Variants in UBR2 observed in about 807,000 individuals in gnomAD.
UBR2 encodes ubiquitin protein ligase E3 component n-recognin 2, also known as E3 ubiquitin-protein ligase UBR2.
In UBR2, 92 loss-of-function variants were observed where a neutral mutation model predicts 247.9. The ratio of observed to expected loss-of-function variants is 0.37; its 90% CI spans 0.31 to 0.44. The LOEUF is 0.44. UBR2 is among the 20% of genes least tolerant of loss of function. UBR2 has a pLI of 1.00. For synonymous variants in UBR2, 672 were observed against 693.5 expected (o/e 0.97, Z 0.49); for missense variants, 1,613 against 2,112.6 (o/e 0.76, Z 4.64).
At chr6:42,672,607 C>T (rs1157718423) in intron 36 of UBR2, among the ~76,000 whole-genome samples, 1 of 152,180 alleles carries the variant, frequency 6.6e-6, no homozygotes, top group African/African-American at 2.4e-5. Context: ...GTGGTCCAGA[C>T]TTGTAGAATC....
intron 3 of UBR2, among the ~76,000 whole-genome samples, chr6:42,593,009 A>C (rs1792764497): frequency 6.6e-6 from 1 of 152,028 alleles, no homozygotes; most frequent in Non-Finnish European, 1.5e-5. Flanking sequence ...CCCCATCTCT[A>C]CTAAAAATGC....
intron 39 of UBR2, 33 bp from the exon 40 acceptor site, chr6:42,676,750 A>C: frequency 6.5e-7 from 1 of 1,541,364 alleles, no homozygotes; most frequent in South Asian, 1.1e-5. Context: ...TTAATTGGAA[A>C]ATACAGAGTA....
rs756222442 is a variant in UBR2 at position 42,615,117 on chromosome 6, A to G, written c.1032A>G (p.Pro344=). 4 of 1,613,802 alleles carry G rather than the reference A, an allele frequency of 2.5e-6. No individual in the cohort carries two copies. The East Asian group carries it at 8.9e-5, about 36-fold the overall frequency. Residue 344 remains proline, a synonymous_variant, in exon 9 of 47, where the codon CCA becomes CCG. Transcript: ENST00000372901. ...ILCQVGLQEG[P]DGENSSLVDR... Reference sequence around the variant, plus strand: ...GTCAAGTTGGTTTACAAGAAGGGCCAGATGGTGAAAACTCTTCTCTAGTGG... The same window carrying G: ...GTCAAGTTGGTTTACAAGAAGGGCCGGATGGTGAAAACTCTTCTCTAGTGG...
chr6:42,628,581 G>C (rs1014186148), intron 11 of UBR2, among the ~76,000 whole-genome samples: 1 of 151,980 alleles, frequency 6.6e-6, no homozygotes, highest in African/African-American at 2.4e-5. Flanking sequence ...AAATTAGCTG[G>C]GCATGGTGGC....
At chr6:42,662,325 C>T (rs138773832) in intron 31 of UBR2, 48 bp downstream of exon 31, 1 of 1,190,176 alleles carries the variant, frequency 8.4e-7, no homozygotes, top group Non-Finnish European at 1.2e-6. Context: ...TCTAAGGGCT[C>T]AATATTTTTT....
At chr6:42,614,313 G>A (rs199636524) in intron 8 of UBR2, among the ~76,000 whole-genome samples, 1 of 49,708 alleles carries the variant, frequency 2.0e-5, no homozygotes, top group African/African-American at 7.3e-5. Flanking sequence ...TGCGTATATG[G>A]GTATGTATAT....
chr6:42,658,017 GC>G lies in UBR2; in HGVS notation c.2873-5del. ...TTGTTATTGTGCCTTTTATTTTTCT[GC>G]CGTAGAACCTGGTGAAGCGCCAAAA... On this transcript the variant is annotated splice_region_variant and splice_polypyrimidine_tract_variant and intron_variant, in intron 26 of 46. Coordinates refer to ENST00000372901, the MANE Select transcript of UBR2 (RefSeq NM_001363705.2). 6.2e-7 allele frequency: 1 copy of G among 1,605,156 alleles called. No individual in the cohort carries two copies. The highest frequency in any genetic ancestry group is 8.5e-7 in the Non-Finnish European group (1 of 1,172,904).
chr6:42,679,157 A>G (rs909184770), intron 41 of UBR2, among the ~76,000 whole-genome samples: 1 of 152,244 alleles, frequency 6.6e-6, no homozygotes, highest in South Asian at 2.1e-4. Flanking sequence ...TAAAAGTAGT[A>G]TGAATGTGGA....
At chr6:42,619,465 T>TTTTTTTTA in intron 11 of UBR2, 1 of 146,698 alleles carries the variant, frequency 6.8e-6, no homozygotes, top group Non-Finnish European at 1.3e-5. Context: ...TTTTTTTTTT[T>TTTTTTTTA]AGTTCTCTAT....
chr6:42,680,907 A>G (rs554366819), intron 42 of UBR2, among the ~76,000 whole-genome samples: 1 of 152,246 alleles, frequency 6.6e-6, no homozygotes, highest in African/African-American at 2.4e-5. Context: ...TCACGCCTGT[A>G]ATCCGCAGCA....
intron 15 of UBR2, among the ~76,000 whole-genome samples, chr6:42,639,706 A>G (rs1289339089): frequency 6.6e-6 from 1 of 152,216 alleles, no homozygotes; most frequent in African/African-American, 2.4e-5. Flanking sequence ...TTTAAATGGG[A>G]ACAAATTCCA....
intron 4 of UBR2, among the ~76,000 whole-genome samples, chr6:42,601,080 G>A (rs1793327508): frequency 6.6e-6 from 1 of 152,292 alleles, no homozygotes; most frequent in South Asian, 2.1e-4. Flanking sequence ...GGTTGTCTCT[G>A]TTCCAGGACC....
intron 13 of UBR2, among the ~76,000 whole-genome samples, chr6:42,633,150 C>G (rs926463113): frequency 2.7e-5 from 4 of 148,262 alleles, no homozygotes; most frequent in Admixed American, 1.3e-4. Context: ...GGCACGGGCC[C>G]AGGCCCAGCT....
chr6:42,663,237 T>A, intron 31 of UBR2, 21 bp from the exon 32 acceptor site: 1 of 1,574,380 alleles, frequency 6.4e-7, no homozygotes, highest in Non-Finnish European at 8.6e-7. Context: ...TTTTGATACC[T>A]CATGTTCTCT....
chr6:42,682,490 G>A (rs1477967102), intron 42 of UBR2, among the ~76,000 whole-genome samples: 1 of 151,704 alleles, frequency 6.6e-6, no homozygotes, highest in Non-Finnish European at 1.5e-5. Context: ...GAGTGCACTG[G>A]CACAGTCACA....
chr6:42,654,415 A>T (rs1274818046), intron 25 of UBR2, among the ~76,000 whole-genome samples: 1 of 152,154 alleles, frequency 6.6e-6, no homozygotes, highest in African/African-American at 2.4e-5. Flanking sequence ...GACATCACAC[A>T]CATATCTCCT....
chr6:42,671,605 C>T (rs1798448650), intron 36 of UBR2, among the ~76,000 whole-genome samples: 1 of 152,160 alleles, frequency 6.6e-6, no homozygotes, highest in Non-Finnish European at 1.5e-5. Flanking sequence ...TAGCCCTTGT[C>T]TTTGAAACCT....
rs553830886 is a variant in UBR2, at chr6:42,596,141, T to C, written c.531+1837T>C. Among the ~76,000 whole-genome samples the C allele has an allele frequency of 1.6e-4, 23 of 147,694 alleles. No individual in the cohort carries two copies. The East Asian group carries it at 3.9e-3, about 25-fold the overall frequency. On this transcript the variant is annotated intron_variant, in intron 4 of 46. Transcript: ENST00000372901. ...CAAAAAGGATCTAGTATGCAGAGTT[T>C]ATATCTTACAACTCAGCAAGTAAAA... is the stretch of plus-strand genomic sequence containing the variant.
At chr6:42,642,878 A>G (rs1348195153) in intron 18 of UBR2, among the ~76,000 whole-genome samples, 1 of 152,162 alleles carries the variant, frequency 6.6e-6, no homozygotes, top group Non-Finnish European at 1.5e-5. Flanking sequence ...AATTTTCAGG[A>G]CTGCGATACT....
Sources: gnomAD v4.1 joint callset for allele counts (sites outside exome capture counted in the v4.1 genomes callset) on GRCh38, gnomAD v4.1.1 for gene constraint, MANE v1.5 for transcripts, NCBI Gene and HGNC (gene_info 2026-07-23, HGNC 2026-07-21) for gene names.